Variants in MUC5AC observed in about 807,000 individuals in gnomAD.
The protein encoded by MUC5AC is mucin-5AC.
MUC5AC carries 158 observed loss-of-function variants against 169.7 expected under a neutral mutation model. That is an observed-to-expected ratio of 0.93 (90% CI 0.82 to 1.06). The LOEUF (loss-of-function observed/expected upper bound fraction) is 1.06. MUC5AC is among the 50% of genes least tolerant of loss of function. The probability of loss-of-function intolerance (pLI) is 0.00; values close to 1 mark genes in which losing one functional copy is unlikely to be tolerated. For missense variants in MUC5AC, 4,359 were observed against 3,089.9 expected (o/e 1.41, Z -9.74); for synonymous variants, 1,975 against 1,237.0 (o/e 1.60, Z -12.52).
rs763603094 is a variant in MUC5AC at position 1,196,720 on chromosome 11, A to T, written c.15829A>T (p.Arg5277Trp). 1.3e-6 allele frequency: 1 copy of T among 754,996 alleles called. No homozygotes were observed. The highest frequency in any genetic ancestry group is 1.4e-5 in the South Asian group (1 of 72,886). 46.8% of individuals were successfully genotyped at this position (754,996 alleles called of 1,614,324 possible). ...AQVCVPTGCP[R>W]CLGPHGEPVK... ...AGTCTGCGTGCCCACGGGCTGCCCCAGTACGTGCCCCAGGCCGGGGCTGGG... is the reference window on the plus strand; with the variant it reads ...AGTCTGCGTGCCCACGGGCTGCCCCTGTACGTGCCCCAGGCCGGGGCTGGG... Residue 5277 changes from arginine to tryptophan, a missense_variant and splice_region_variant, in exon 39 of 49, where the codon AGG (arginine) becomes TGG (tryptophan). By Grantham distance (101) the Arg-to-Trp change is moderately radical. Coordinates refer to ENST00000621226, the MANE Select transcript of MUC5AC (RefSeq NM_001304359.2).
rs1040883771 is a variant in MUC5AC at position 1,193,774 on chromosome 11, A to G, written c.14755+115A>G. 6.1e-6 allele frequency: 4 copies of G among 659,432 alleles called. No homozygotes were observed. The South Asian group carries it at 6.7e-5, about 11-fold the overall frequency. 40.8% of individuals were successfully genotyped at this position (659,432 alleles called of 1,614,324 possible). A position where few individuals can be genotyped will look rare whatever the true frequency, so the allele number is the denominator to read the frequency against. On this transcript the variant is annotated intron_variant, in intron 33 of 48. Coordinates refer to ENST00000621226, the MANE Select transcript of MUC5AC (RefSeq NM_001304359.2). ...CTGAAGCAGAAAAGAATTGGGTGGG[A>G]CAGCAGGAAGGACTTCCCAGCATCA...
chr11:1,163,847 C>T, intron 6 of MUC5AC, 35 bp from the exon 7 acceptor site: 1 of 1,517,712 alleles, frequency 6.6e-7, no homozygotes, highest in Non-Finnish European at 9.0e-7. Context: ...GGTACCGGGA[C>T]CTGCAGGCAG....
chr11:1,170,704 C>G, intron 15 of MUC5AC, among the ~76,000 whole-genome samples: 1 of 120,880 alleles, frequency 8.3e-6, no homozygotes, highest in African/African-American at 3.1e-5. Context: ...CACCCACTCA[C>G]TCACCCACTC....
intron 24 of MUC5AC, 55 bp downstream of exon 24, chr11:1,177,688 A>T (rs940158763): frequency 0.17 from 67,634 of 397,616 alleles, 6,460 homozygotes; most frequent in Non-Finnish European, 0.2. Flanking sequence ...GGAGGTGGGG[A>T]GCGTGGAACA....
Position 1,189,596 on chromosome 11 carries a change from C to T in MUC5AC, c.11451C>T (p.Ser3817=). The change falls in exon 31 of 49, where the codon TCC becomes TCT. Residue 3817 remains serine (S), a synonymous_variant. Transcript: ENST00000621226. ...CTTCCCCTACAACCAGCACAACCTC[C>T]ACTCCGCAGACCAGCACAACCTCTT... The part of the protein sequence containing the change: ...TISSPTTSTT[S]TPQTSTTSSP... 3.3e-6 allele frequency: 2 copies of T among 607,424 alleles called. No individual in the cohort carries two copies. The highest frequency in any genetic ancestry group is 5.9e-6 in the Non-Finnish European group (2 of 341,748). The allele number at this position is 607,424 out of a possible 1,614,324, so 37.6% of individuals were successfully genotyped here.
chr11:1,189,634 G>C lies in MUC5AC; in HGVS notation c.11489G>C (p.Ser3830Thr). The C allele has an allele frequency of 3.2e-6, 2 of 623,148 alleles. No individual in the cohort carries two copies. Among genetic ancestry groups the C allele is most frequent in the South Asian group, 3.8e-5 (2 of 52,598 alleles). The allele number at this position is 623,148 out of a possible 1,614,324, so 38.6% of individuals were successfully genotyped here. Reference protein sequence around the residue: ...QTSTTSSPTTSTTSAPTTSTT... With the variant: ...QTSTTSSPTTTTTSAPTTSTT... ...AGCACAACCTCTTCCCCTACAACTA[G>C]CACAACCTCAGCTCCTACAACCAGC... Residue 3830 changes from serine to threonine, a missense_variant, in exon 31 of 49, where the codon AGC becomes ACC. Ser to Thr is a moderately conservative substitution (Grantham distance 58). Transcript: ENST00000621226.
At position 1,194,238 on chromosome 11, in the gene MUC5AC, G is replaced by C. The variant is rs548333131; in HGVS notation, c.14884G>C (p.Val4962Leu). ...CGTGTATGGCCACTTCCGCGTGCTC[G>C]TCGACAACTACTTCTGCGGTGCGGA... ...VPVYGHFRVL[V>L]DNYFCGAEDG... The change falls in exon 34 of 49, where the codon GTC becomes CTC. Residue 4962 changes from valine (V) to leucine (L), a missense_variant. By Grantham distance (32) the Val-to-Leu change is conservative. Coordinates refer to ENST00000621226, the MANE Select transcript of MUC5AC (RefSeq NM_001304359.2). 1.3e-6 allele frequency: 1 copy of C among 764,890 alleles called. No homozygotes were observed. Among genetic ancestry groups the C allele is most frequent in the Admixed American group, 1.7e-5 (1 of 58,980 alleles). 47.4% of individuals were successfully genotyped at this position (764,890 alleles called of 1,614,324 possible).
rs1861015740 is a variant in MUC5AC, at chr11:1,188,813, A to G, written c.10668A>G (p.Lys3556=). The G allele has an allele frequency of 2.6e-6, 2 of 755,450 alleles. No homozygotes were observed. The highest frequency in any genetic ancestry group is 1.4e-5 in the South Asian group (1 of 73,146). The allele number at this position is 755,450 out of a possible 1,614,324, so 46.8% of individuals were successfully genotyped here. ...ACAACATCATCAGGAGTGGGGAAAA[A>G]ATCTGCCGCCGACCTGAGGAGATCA... ...TYNNIIRSGE[K]ICRRPEEITR... is the part of the protein sequence containing the mutation. The change falls in exon 31 of 49, where the codon AAA becomes AAG. Residue 3556 remains lysine, a synonymous_variant. Coordinates refer to ENST00000621226, the MANE Select transcript of MUC5AC (RefSeq NM_001304359.2).
chr11:1,195,609 CA>C (rs1202048490), intron 36 of MUC5AC, among the ~76,000 whole-genome samples: 3 of 150,966 alleles, frequency 2.0e-5, no homozygotes, highest in Non-Finnish European at 4.4e-5. Flanking sequence ...AGGCAGCTTC[CA>C]GGTTTGCAGG....
Position 1,192,325 on chromosome 11 carries a change from C to T in MUC5AC, c.14180C>T (p.Thr4727Ile), listed in dbSNP as rs778887202. 14 of 765,010 alleles carry T rather than the reference C, an allele frequency of 1.8e-5. No individual in the cohort carries two copies. In the East Asian group the frequency reaches 2.4e-4, roughly 13 times the overall value. 47.4% of individuals were successfully genotyped at this position (765,010 alleles called of 1,614,324 possible). The change falls in exon 31 of 49, where the codon ACC (threonine) becomes ATC (isoleucine). Residue 4727 changes from threonine (T) to isoleucine (I), a missense_variant. Thr to Ile is a moderately conservative substitution (Grantham distance 89). Coordinates refer to ENST00000621226, the MANE Select transcript of MUC5AC (RefSeq NM_001304359.2). ...NYEVRVLCCE[T>I]PRGCPVTSVT... ...GAGGTGCGCGTGCTCTGCTGCGAGA[C>T]CCCCAGAGGCTGCCCGGTGACCTCT... is the stretch of plus-strand genomic sequence containing the variant.
intron 15 of MUC5AC, 160 bp downstream of exon 15, chr11:1,169,186 A>G: frequency 1.0e-6 from 1 of 983,224 alleles, no homozygotes; most frequent in Non-Finnish European, 1.2e-6. Context: ...TGGGCGCCCA[A>G]CCCAGCTTAT....
chr11:1,166,964 AAC>A (rs1476915007), intron 11 of MUC5AC, among the ~76,000 whole-genome samples: 1 of 2,846 alleles, frequency 3.5e-4, no homozygotes, highest in African/African-American at 2.0e-3. Context: ...CCCTGCACCC[AAC>A]ACACAGTCTC....
intron 4 of MUC5AC, 54 bp downstream of exon 4, chr11:1,162,222 C>A: frequency 1.3e-6 from 2 of 1,585,416 alleles, no homozygotes; most frequent in Non-Finnish European, 1.7e-6. Context: ...GGTGGCATTT[C>A]CGGGTGGTTG....
At chr11:1,171,418 A>C (rs1271271259) in intron 15 of MUC5AC, among the ~76,000 whole-genome samples, 1 of 38,572 alleles carries the variant, frequency 2.6e-5, no homozygotes, top group African/African-American at 1.0e-4. Context: ...CACTCACCTC[A>C]CTCACTCACT....
Position 1,176,135 on chromosome 11 carries a change from G to A in MUC5AC, c.2402-16G>A. 1 of 398,658 alleles carries A rather than the reference G, an allele frequency of 2.5e-6. No homozygotes were observed. The allele number at this position is 398,658 out of a possible 1,614,324, so 24.7% of individuals were successfully genotyped here. ...GCAGCCTGTGGCTGGCCCCCTGACGGCCCCTCCCTCCCCAGTGTGTGCTGC... is the reference window on the plus strand; with the variant it reads ...GCAGCCTGTGGCTGGCCCCCTGACGACCCCTCCCTCCCCAGTGTGTGCTGC... On this transcript the variant is annotated splice_polypyrimidine_tract_variant and intron_variant, in intron 19 of 48. Coordinates refer to ENST00000621226, the MANE Select transcript of MUC5AC (RefSeq NM_001304359.2).
In MUC5AC at chr11:1,200,639, G is replaced by T. The variant is rs1176123225; in HGVS notation, c.16902G>T (p.Glu5634Asp). The T allele has an allele frequency of 3.9e-6, 3 of 763,818 alleles. No individual in the cohort carries two copies. In the East Asian group the frequency reaches 7.3e-5, roughly 19 times the overall value. 47.3% of individuals were successfully genotyped at this position (763,818 alleles called of 1,614,324 possible). A position where few individuals can be genotyped will look rare whatever the true frequency, so the allele number is the denominator to read the frequency against. The change falls in exon 49 of 49, where the codon GAG (glutamate) becomes GAT (aspartate). Residue 5634 changes from glutamate (E) to aspartate (D), a missense_variant. Coordinates refer to ENST00000621226, the MANE Select transcript of MUC5AC (RefSeq NM_001304359.2). Reference sequence around the variant, plus strand: ...AGCACTCGGAGGAGGCGGAACCCGAGCCCAGCCAGGAGGCAGAGAGTGGGA... The same window carrying T: ...AGCACTCGGAGGAGGCGGAACCCGATCCCAGCCAGGAGGCAGAGAGTGGGA... ...DTQHSEEAEP[E>D]PSQEAESGSW...
At chr11:1,170,541 T>TCGCC (rs1860478526) in intron 15 of MUC5AC, among the ~76,000 whole-genome samples, 3 of 45,308 alleles carry the variant, frequency 6.6e-5, no homozygotes, top group African/African-American at 3.0e-4. Flanking sequence ...ACCCATTCAC[T>TCGCC]CACTCGCCCA....
At chr11:1,180,222 C>T (rs889541186) in intron 27 of MUC5AC, 72 bp downstream of exon 27, 13 of 398,404 alleles carry the variant, frequency 3.3e-5, no homozygotes, top group Middle Eastern at 6.2e-4. Flanking sequence ...CTCGAGGAGC[C>T]TCTGTGGCCC....
chr11:1,192,756 A>AG (rs1564917540), intron 31 of MUC5AC, 27 bp from the exon 32 acceptor site: 1 of 742,306 alleles, frequency 1.3e-6, no homozygotes. Context: ...ACTCCACTAA[A>AG]GGCTGCCATG....
Sources: gnomAD v4.1 joint callset for allele counts (sites outside exome capture counted in the v4.1 genomes callset) on GRCh38, gnomAD v4.1.1 for gene constraint, MANE v1.5 for transcripts, NCBI Gene and HGNC (gene_info 2026-07-23, HGNC 2026-07-21) for gene names.